ZNF804A: variants seen among roughly 807,000 people sequenced by gnomAD.
ZNF804A encodes zinc finger protein 804A.
ZNF804A carries 2 observed loss-of-function variants against 16.5 expected under a neutral mutation model. That is an observed-to-expected ratio of 0.12 (90% CI 0.05 to 0.38). The LOEUF (loss-of-function observed/expected upper bound fraction) is 0.38. Among genes scored for constraint, ZNF804A ranks in the 10% least tolerant of loss-of-function variants. ZNF804A has a pLI of 0.99. For synonymous variants in ZNF804A, 534 were observed against 489.6 expected, an observed-to-expected ratio of 1.09 and a Z score of -1.20; for missense variants, 1,473 against 1,390.7, an observed-to-expected ratio of 1.06 and a Z score of -0.94.
intron 1 of ZNF804A, among the ~76,000 whole-genome samples, chr2:184,639,169 G>A (rs1272575910): frequency 6.6e-6 from 1 of 150,506 alleles, no homozygotes; most frequent in Non-Finnish European, 1.5e-5. Context: ...TGCCTCCAGG[G>A]TTCAAGAAAT....
chr2:184,735,236 T>C (rs1012267898), intron 1 of ZNF804A, among the ~76,000 whole-genome samples: 1 of 152,174 alleles, frequency 6.6e-6, no homozygotes, highest in Non-Finnish European at 1.5e-5. Flanking sequence ...TTCTTTCCTT[T>C]TCTTTCTTAC....
At chr2:184,770,476 A>G (rs538769742) in intron 1 of ZNF804A, among the ~76,000 whole-genome samples, 1 of 152,194 alleles carries the variant, frequency 6.6e-6, no homozygotes, top group African/African-American at 2.4e-5. Context: ...CTTTTTAAAA[A>G]GGGCATGGGG....
chr2:184,813,304 C>A (rs562361696), intron 1 of ZNF804A, among the ~76,000 whole-genome samples: 2 of 152,126 alleles, frequency 1.3e-5, no homozygotes, highest in East Asian at 3.9e-4. Flanking sequence ...AAGTAATATA[C>A]GTTACTCATA....
rs955302238 is a variant in ZNF804A at position 184,893,962 on chromosome 2, T to G, written c.255+27450T>G. 2.2e-4 allele frequency among the ~76,000 whole-genome samples: 34 copies of G among 152,286 alleles called. 1 individual carries two copies. Among genetic ancestry groups the G allele is most frequent in the South Asian group, 4.1e-4 (2 of 4,828 alleles). On this transcript the variant is annotated intron_variant, in intron 2 of 3. Transcript: ENST00000302277. ...AAGGAAGTAGTAGATTCAGAATGCC[T>G]AGCAAGTGCCCATAATGCTGTGCAC...
At chr2:184,759,759 C>A (rs1290598400) in intron 1 of ZNF804A, among the ~76,000 whole-genome samples, 1 of 151,800 alleles carries the variant, frequency 6.6e-6, no homozygotes, top group Non-Finnish European at 1.5e-5. Context: ...GATGACATTA[C>A]CTTGTGAAAT....
intron 1 of ZNF804A, among the ~76,000 whole-genome samples, chr2:184,626,070 G>C (rs1414799155): frequency 6.6e-6 from 1 of 151,944 alleles, no homozygotes; most frequent in Non-Finnish European, 1.5e-5. Flanking sequence ...GGGTTTCACC[G>C]TGTTAGTCAG....
At chr2:184,823,176 T>C (rs1372046629) in intron 1 of ZNF804A, among the ~76,000 whole-genome samples, 1 of 152,026 alleles carries the variant, frequency 6.6e-6, no homozygotes, top group Non-Finnish European at 1.5e-5. Context: ...CACTCTGTCC[T>C]CTGGAGGGGA....
intron 1 of ZNF804A, among the ~76,000 whole-genome samples, chr2:184,754,920 CA>C (rs1693936025): frequency 1.3e-5 from 2 of 151,834 alleles, no homozygotes; most frequent in African/African-American, 4.8e-5. Flanking sequence ...GAAAGCCACA[CA>C]CCTTTAAACC....
In ZNF804A at chr2:184,598,837, G is replaced by T. The variant is rs1004125161; in HGVS notation, c.-123G>T. 3 of 501,084 alleles carry T rather than the reference G, an allele frequency of 6.0e-6. No homozygotes were observed. The highest frequency in any genetic ancestry group is 6.7e-6 in the Non-Finnish European group (2 of 298,036). The allele number at this position is 501,084 out of a possible 1,614,324, so 31.0% of individuals were successfully genotyped here. A position where few individuals can be genotyped will look rare whatever the true frequency, so the allele number is the denominator to read the frequency against. On this transcript the variant is annotated 5_prime_UTR_variant, in exon 1 of 4. Transcript: ENST00000302277. ...TGAGCCAGTCTCCAGAGGACGTGCC[G>T]GGGGTGGCTGCGTGCCCTCGTGGCG... is the stretch of plus-strand genomic sequence containing the variant.
chr2:184,620,036 T>G (rs1464931906), intron 1 of ZNF804A, among the ~76,000 whole-genome samples: 3 of 151,850 alleles, frequency 2.0e-5, no homozygotes, highest in Non-Finnish European at 4.4e-5. Flanking sequence ...AACTATTTTA[T>G]ATCACAAAAT....
chr2:184,821,894 T>A (rs1392089539), intron 1 of ZNF804A, among the ~76,000 whole-genome samples: 1 of 152,090 alleles, frequency 6.6e-6, no homozygotes, highest in African/African-American at 2.4e-5. Context: ...ATAGTGAATA[T>A]TAAAAAGTTC....
At chr2:184,632,322 T>G (rs998263735) in intron 1 of ZNF804A, among the ~76,000 whole-genome samples, 32 of 152,200 alleles carry the variant, frequency 2.1e-4, no homozygotes, top group Non-Finnish European at 2.2e-4. Context: ...AAATTATCTT[T>G]CAATCACCTT....
intron 2 of ZNF804A, among the ~76,000 whole-genome samples, chr2:184,870,202 C>A (rs1442173141): frequency 6.6e-6 from 1 of 151,708 alleles, no homozygotes; most frequent in African/African-American, 2.4e-5. Context: ...TTTATATTCT[C>A]CAGAGTAAAG....
chr2:184,810,731 C>T (rs1007908263), intron 1 of ZNF804A, among the ~76,000 whole-genome samples: 2 of 152,014 alleles, frequency 1.3e-5, no homozygotes, highest in Non-Finnish European at 2.9e-5. Flanking sequence ...ACCTCGTGAC[C>T]TGCCCACCTC....
intron 1 of ZNF804A, among the ~76,000 whole-genome samples, chr2:184,703,493 G>A (rs1043804130): frequency 6.6e-6 from 1 of 151,694 alleles, no homozygotes; most frequent in Non-Finnish European, 1.5e-5. Flanking sequence ...ATGAGATCAG[G>A]AGATCGAGAC....
intron 2 of ZNF804A, among the ~76,000 whole-genome samples, chr2:184,893,918 C>T (rs1469705651): frequency 1.3e-5 from 2 of 152,156 alleles, no homozygotes; most frequent in African/African-American, 4.8e-5. Context: ...TTTCAAGAGA[C>T]TGGACGATCT....
rs1391576796 is a variant in ZNF804A, at chr2:184,938,324, TGAG to T, written c.2930_2932del (p.Glu977del). On this transcript the variant is annotated inframe_deletion, in exon 4 of 4. Transcript: ENST00000302277. ...CCTATCTTTGCCATTATGAACTGGC[TGAG>T]GCCCTTCCACAAGGAAAGATGAATG... 1 of 1,614,164 alleles carries T rather than the reference TGAG, an allele frequency of 6.2e-7. No homozygotes were observed. The highest frequency in any genetic ancestry group is 1.1e-5 in the South Asian group (1 of 91,092).
intron 1 of ZNF804A, among the ~76,000 whole-genome samples, chr2:184,856,897 G>C (rs1390341279): frequency 6.6e-5 from 10 of 152,018 alleles, no homozygotes; most frequent in Non-Finnish European, 1.5e-5. Context: ...TATCAGATAA[G>C]GGATACTCAA....
intron 1 of ZNF804A, among the ~76,000 whole-genome samples, chr2:184,669,587 A>G (rs1692309733): frequency 2.0e-5 from 3 of 152,132 alleles, no homozygotes; most frequent in Admixed American, 2.0e-4. Flanking sequence ...GAAATGTTGA[A>G]AATGGCTGAT....
Sources: allele counts gnomAD v4.1 joint callset (sites outside exome capture counted in the v4.1 genomes callset), GRCh38; gene constraint gnomAD v4.1.1; transcripts MANE v1.5; gene names NCBI Gene and HGNC (gene_info 2026-07-23, HGNC 2026-07-21).